The following KCNN3 variants were observed in gnomAD, a reference collection of about 807,000 sequenced individuals.
The protein encoded by KCNN3 is potassium calcium-activated channel subfamily N member 3.
In KCNN3, 16 loss-of-function variants were observed where a neutral mutation model predicts 62.9. The ratio of observed to expected loss-of-function variants is 0.25; its 90% CI spans 0.17 to 0.39. The LOEUF (loss-of-function observed/expected upper bound fraction) is 0.39, where lower values mean the gene tolerates loss of function less well. Ranked by LOEUF, KCNN3 falls within the 10% of genes least tolerant of loss-of-function variation. The probability of loss-of-function intolerance (pLI) is 1.00; values close to 1 mark genes in which losing one functional copy is unlikely to be tolerated. For missense variants in KCNN3, 599 were observed against 949.4 expected, an observed-to-expected ratio of 0.63 and a Z score of 4.85; for synonymous variants, 370 against 389.2, an observed-to-expected ratio of 0.95 and a Z score of 0.58.
chr1:154,772,191 A>T lies in KCNN3; in HGVS notation c.1232T>A (p.Met411Lys). 1 of 1,614,246 alleles carries T rather than the reference A, an allele frequency of 6.2e-7. No individual in the cohort carries two copies. The highest frequency in any genetic ancestry group is 8.5e-7 in the Non-Finnish European group (1 of 1,180,046). ...ADVDIILSIP[M>K]FLRLYLIARV... Reference sequence around the variant, plus strand: ...GGCGATCAGGTACAGGCGCAGGAACATGGGGATAGACAGGATGATGTCCAC... The same window carrying T: ...GGCGATCAGGTACAGGCGCAGGAACTTGGGGATAGACAGGATGATGTCCAC... Residue 411 changes from methionine (M) to lysine (K), a missense_variant, in exon 3 of 8, where the codon ATG (methionine) becomes AAG (lysine). Around this residue, in one of 7 missense-constraint regions of KCNN3, gnomAD observed 288 missense variants for 557.4 expected, o/e 0.52. Transcript: ENST00000271915. This position sits in a 1 kb window ranked among gnomAD's most constrained non-coding sequence, Gnocchi z 5.6.
intron 2 of KCNN3, among the ~76,000 whole-genome samples, chr1:154,810,415 G>C (rs757700216): frequency 8.6e-5 from 13 of 151,852 alleles, no homozygotes; most frequent in Non-Finnish European, 1.9e-4. Flanking sequence ...ACAAGACCCA[G>C]TATGGGGCTC....
At chr1:154,783,748 G>A (rs1272495154) in intron 2 of KCNN3, among the ~76,000 whole-genome samples, 1 of 152,206 alleles carries the variant, frequency 6.6e-6, no homozygotes, top group Non-Finnish European at 1.5e-5. Flanking sequence ...CCATGAGAGG[G>A]GGAGGCCGGA....
intron 2 of KCNN3, among the ~76,000 whole-genome samples, chr1:154,777,499 A>G (rs905042474): frequency 3.9e-5 from 6 of 152,170 alleles, no homozygotes; most frequent in Non-Finnish European, 5.9e-5. Context: ...GGACCTGACA[A>G]TTCATCTCAC....
At chr1:154,738,031 AAAG>A (rs992585617) in intron 3 of KCNN3, among the ~76,000 whole-genome samples, 4 of 152,204 alleles carry the variant, frequency 2.6e-5, no homozygotes, top group East Asian at 3.8e-4. Context: ...AAAGAAGGAG[AAAG>A]AAGGAGAGAA....
In KCNN3 at chr1:154,870,170, G is replaced by A. The variant is rs1170608713; in HGVS notation, c.-206C>T. 4.2e-6 allele frequency: 3 copies of A among 720,064 alleles called. No homozygotes were observed. Among genetic ancestry groups the A allele is most frequent in the Non-Finnish European group, 7.6e-6 (3 of 394,464 alleles). The allele number at this position is 720,064 out of a possible 1,614,324, so 44.6% of individuals were successfully genotyped here. ...GAATGCATTGTATTGGGCAGGGAGG[G>A]AGAGCAGGAGGGGAGCTTGGAGAAA... On this transcript the variant is annotated 5_prime_UTR_variant, in exon 1 of 8. Coordinates refer to ENST00000271915, the MANE Select transcript of KCNN3 (RefSeq NM_002249.6).
chr1:154,757,792 G>T (rs1313350733), intron 3 of KCNN3, among the ~76,000 whole-genome samples: 1 of 152,196 alleles, frequency 6.6e-6, no homozygotes. Context: ...TGGTTGAGGG[G>T]ACTGGAGACC....
chr1:154,743,572 G>A (rs1021013638), intron 3 of KCNN3, among the ~76,000 whole-genome samples: 1 of 152,170 alleles, frequency 6.6e-6, no homozygotes, highest in Non-Finnish European at 1.5e-5. Context: ...TTACAATGGT[G>A]CCACTTTACA....
chr1:154,813,915 G>A (rs1650546234), intron 2 of KCNN3, among the ~76,000 whole-genome samples: 1 of 152,244 alleles, frequency 6.6e-6, no homozygotes, highest in South Asian at 2.1e-4. Context: ...CCCCCTCTGA[G>A]GCAGAAAGGG....
At chr1:154,754,995 A>G (rs1377378528) in intron 3 of KCNN3, among the ~76,000 whole-genome samples, 1 of 152,100 alleles carries the variant, frequency 6.6e-6, no homozygotes, top group African/African-American at 2.4e-5. Context: ...TGGTGCAGGG[A>G]TGTATTCAAG....
chr1:154,730,565 T>A (rs1700570398), intron 4 of KCNN3, among the ~76,000 whole-genome samples: 1 of 152,038 alleles, frequency 6.6e-6, no homozygotes, highest in South Asian at 2.1e-4. Flanking sequence ...AAAAATCACA[T>A]TTGTTAGAAA....
intron 1 of KCNN3, among the ~76,000 whole-genome samples, chr1:154,826,832 AAG>A (rs768055598): frequency 6.6e-5 from 10 of 152,364 alleles, no homozygotes; most frequent in Non-Finnish European, 1.2e-4. Context: ...TCATCGCAAA[AAG>A]GAGAAAGCTA....
intron 3 of KCNN3, among the ~76,000 whole-genome samples, chr1:154,741,887 A>C (rs546695854): frequency 6.6e-6 from 1 of 152,294 alleles, no homozygotes; most frequent in South Asian, 2.1e-4. Context: ...CAATCTTCAG[A>C]GTCACACAGT....
chr1:154,867,086 CA>C (rs1251605612), intron 1 of KCNN3, among the ~76,000 whole-genome samples: 2 of 152,208 alleles, frequency 1.3e-5, no homozygotes. Flanking sequence ...GCCCCTTCCC[CA>C]CACCCCCCTT....
intron 3 of KCNN3, among the ~76,000 whole-genome samples, chr1:154,759,294 G>T (rs1342846053): frequency 2.0e-5 from 3 of 152,240 alleles, no homozygotes; most frequent in South Asian, 4.1e-4. Context: ...AAGGGGCCCT[G>T]TGGAGCTGAG....
At chr1:154,836,720 G>A (rs1651604456) in intron 1 of KCNN3, among the ~76,000 whole-genome samples, 1 of 152,226 alleles carries the variant, frequency 6.6e-6, no homozygotes, top group Admixed American at 6.5e-5. Flanking sequence ...CAGGCTTTAA[G>A]ATTGTCAGCT....
At position 154,870,268 on chromosome 1, in the gene KCNN3, C is replaced by G. The variant is rs1653131282; in HGVS notation, c.-304G>C. The G allele has an allele frequency of 1.8e-6, 1 of 554,770 alleles. No homozygotes were observed. The highest frequency in any genetic ancestry group is 3.4e-6 in the Non-Finnish European group (1 of 296,694). The allele number at this position is 554,770 out of a possible 1,614,324, so 34.4% of individuals were successfully genotyped here. Reference sequence around the variant, plus strand: ...TGTGAGGCCAGGCTCAGCTTCACTCCTCGCTGGCTCAATAGCTTCGCTCGC... The same window carrying G: ...TGTGAGGCCAGGCTCAGCTTCACTCGTCGCTGGCTCAATAGCTTCGCTCGC... On this transcript the variant is annotated 5_prime_UTR_variant, in exon 1 of 8. Coordinates refer to ENST00000271915, the MANE Select transcript of KCNN3 (RefSeq NM_002249.6).
chr1:154,710,037 C>T (rs1384757379), intron 7 of KCNN3, among the ~76,000 whole-genome samples: 1 of 152,198 alleles, frequency 6.6e-6, no homozygotes, highest in Non-Finnish European at 1.5e-5. Context: ...TCATCTTATT[C>T]GATCACCTGA....
intron 1 of KCNN3, among the ~76,000 whole-genome samples, chr1:154,851,624 C>T (rs921842869): frequency 6.6e-6 from 1 of 152,184 alleles, no homozygotes; most frequent in African/African-American, 2.4e-5. Flanking sequence ...ACCTGCACAC[C>T]ATGACCTTTT....
chr1:154,868,907 T>A, intron 1 of KCNN3, 125 bp downstream of exon 1: 1 of 469,142 alleles, frequency 2.1e-6, no homozygotes, highest in South Asian at 4.0e-5. Flanking sequence ...TCAATCTCTC[T>A]CTCTCTCTCT....
Sources: gnomAD v4.1 joint callset for allele counts (sites outside exome capture counted in the v4.1 genomes callset) on GRCh38, gnomAD v4.1.1 for gene constraint, gnomAD v4.1.1 regional missense constraint, Gnocchi (gnomAD v3.1) non-coding constraint, MANE v1.5 for transcripts, NCBI Gene and HGNC (gene_info 2026-07-23, HGNC 2026-07-21) for gene names.